SRP68: variants seen among roughly 807,000 people sequenced by gnomAD.
The protein encoded by SRP68 is signal recognition particle subunit SRP68.
A neutral mutation model predicts 82.2 loss-of-function variants in SRP68; 15 were observed. The ratio of observed to expected loss-of-function variants is 0.18; its 90% CI spans 0.12 to 0.28. The LOEUF is 0.28. SRP68 is among the 10% of genes least tolerant of loss of function. The pLI is 1.00. For synonymous variants in SRP68, 261 were observed against 292.6 expected (o/e 0.89, Z 1.10); for missense variants, 595 against 780.5 (o/e 0.76, Z 2.83).
chr17:76,040,760 C>A (rs776049449), intron 14 of SRP68, 143 bp downstream of exon 14: 1 of 790,752 alleles, frequency 1.3e-6, no homozygotes, highest in South Asian at 1.7e-5. Context: ...TGATGCCCAG[C>A]TGGCACAAGT....
chr17:76,072,149 C>T lies in SRP68; in HGVS notation c.184+159G>A, dbSNP rs1236338429. On this transcript the variant is annotated intron_variant, in intron 1 of 15. Coordinates refer to ENST00000307877, the MANE Select transcript of SRP68 (RefSeq NM_014230.4). This position sits in a 1 kb window ranked among gnomAD's most constrained non-coding sequence, Gnocchi z 4.5. ...GAGGAAAGACTAGTCGAGAGACAGA[C>T]CCCCCCCGGAATTCTGAGCACCAAA... 1.1e-5 allele frequency: 13 copies of T among 1,230,548 alleles called. No individual in the cohort carries two copies. The East Asian group carries it at 3.6e-4, about 34-fold the overall frequency. The allele number at this position is 1,230,548 out of a possible 1,614,324, so 76.2% of individuals were successfully genotyped here.
At chr17:76,060,578 A>C (rs1423068409) in intron 6 of SRP68, 188 bp from the exon 7 acceptor site, 1 of 564,222 alleles carries the variant, frequency 1.8e-6, no homozygotes, top group Non-Finnish European at 3.1e-6. Context: ...AAAATACTCC[A>C]TATGGTATAT....
chr17:76,043,264 C>T (rs966685183), intron 13 of SRP68: 3 of 151,980 alleles, frequency 2.0e-5, no homozygotes, highest in Non-Finnish European at 4.4e-5. Context: ...GACCCTGTCT[C>T]AAGAAAGACA....
Position 76,057,481 on chromosome 17 carries a change from C to T in SRP68, c.900G>A (p.Gly300=). 1 of 1,613,972 alleles carries T rather than the reference C, an allele frequency of 6.2e-7. No individual in the cohort carries two copies. ...AATMSEVEWR[G]RTVPVKIDKV... Reference sequence around the variant, plus strand: ...TGTCAATCTTCACTGGAACCGTTCTCCCTCTCCACTCCACTTCACTCATGG... The same window carrying T: ...TGTCAATCTTCACTGGAACCGTTCTTCCTCTCCACTCCACTTCACTCATGG... Residue 300 remains glycine, a synonymous_variant, in exon 8 of 16, where the codon GGG becomes GGA. Transcript: ENST00000307877.
Position 76,057,325 on chromosome 17 carries a change from C to T in SRP68, c.978+78G>A, listed in dbSNP as rs939633995. On this transcript the variant is annotated intron_variant, in intron 8 of 15. Coordinates refer to ENST00000307877, the MANE Select transcript of SRP68 (RefSeq NM_014230.4). ...TTGTTTTATGAGAACTGAATACCAA[C>T]GAGCCACTACATCTTAAACACACAG... The T allele has an allele frequency of 3.4e-5, 54 of 1,567,270 alleles. 1 individual carries two copies. The highest frequency in any genetic ancestry group is 1.7e-4 in the Middle Eastern group (1 of 5,972).
chr17:76,049,408 G>A (rs2066655329), intron 9 of SRP68: 1 of 152,240 alleles, frequency 6.6e-6, no homozygotes, highest in African/African-American at 2.4e-5. Context: ...AGAGGGGCAG[G>A]AAAGATTACC....
intron 8 of SRP68, among the ~76,000 whole-genome samples, chr17:76,051,625 C>T (rs2066673160): frequency 6.6e-6 from 1 of 152,104 alleles, no homozygotes; most frequent in South Asian, 2.1e-4. Flanking sequence ...TTTTCTTAGT[C>T]TCCAGTGTGA....
At chr17:76,050,593 G>A (rs2066665029) in intron 8 of SRP68, 67 bp from the exon 9 acceptor site, 15 of 1,126,936 alleles carry the variant, frequency 1.3e-5, no homozygotes, top group Middle Eastern at 2.0e-4. Context: ...AATGGGAGAG[G>A]AGCAAAATCG....
chr17:76,046,482 A>AC (rs2066632604), intron 10 of SRP68, among the ~76,000 whole-genome samples: 3 of 151,414 alleles, frequency 2.0e-5, no homozygotes, highest in South Asian at 4.2e-4. Context: ...AAAAAAAAAA[A>AC]AACAAAAAAC....
At chr17:76,060,981 A>G (rs1426400989) in intron 6 of SRP68, 129 bp downstream of exon 6, 2 of 697,520 alleles carry the variant, frequency 2.9e-6, no homozygotes, top group Non-Finnish European at 5.0e-6. Context: ...ATCAACCAAA[A>G]CTCAGGTCAA....
At chr17:76,069,829 C>A (rs1378224854) in intron 2 of SRP68, among the ~76,000 whole-genome samples, 2 of 148,532 alleles carry the variant, frequency 1.3e-5, no homozygotes, top group Non-Finnish European at 3.0e-5. Flanking sequence ...GTAATTCCAA[C>A]ACTTTGGGAA....
intron 14 of SRP68, 76 bp downstream of exon 14, chr17:76,040,827 T>C: frequency 7.4e-7 from 1 of 1,345,344 alleles, no homozygotes; most frequent in Non-Finnish European, 1.1e-6. Context: ...CTTAAAACAG[T>C]AGTATGGGGT....
chr17:76,048,485 T>C (rs1567928286), intron 9 of SRP68: 1 of 152,244 alleles, frequency 6.6e-6, no homozygotes, highest in Non-Finnish European at 1.5e-5. Context: ...GTGGGTCCAA[T>C]GTCATCCCAG....
chr17:76,047,900 C>T lies in SRP68; in HGVS notation c.1142+6G>A. 1 of 1,495,804 alleles carries T rather than the reference C, an allele frequency of 6.7e-7. No individual in the cohort carries two copies. The highest frequency in any genetic ancestry group is 2.4e-5 in the East Asian group (1 of 42,190). 92.7% of individuals were successfully genotyped at this position (1,495,804 alleles called of 1,614,324 possible). A position where few individuals can be genotyped will look rare whatever the true frequency, so the allele number is the denominator to read the frequency against. On this transcript the variant is annotated splice_donor_region_variant and intron_variant, in intron 10 of 15. Coordinates refer to ENST00000307877, the MANE Select transcript of SRP68 (RefSeq NM_014230.4). ...TAAAAAGTAAAAAAATTAAAATAACCCTTACCTATGCAAGTATTGAAGATT... is the reference window on the plus strand; with the variant it reads ...TAAAAAGTAAAAAAATTAAAATAACTCTTACCTATGCAAGTATTGAAGATT...
chr17:76,062,699 T>TTATATAA (rs2144520231), intron 4 of SRP68, among the ~76,000 whole-genome samples: 2 of 74,266 alleles, frequency 2.7e-5, no homozygotes, highest in African/African-American at 1.7e-4. Flanking sequence ...ACATTATATA[T>TTATATAA]TGTATATTAT....
chr17:76,062,761 AT>A (rs1567935341), intron 4 of SRP68, among the ~76,000 whole-genome samples: 66 of 79,750 alleles, frequency 8.3e-4, no homozygotes, highest in South Asian at 1.3e-3. Context: ...ATATATATAT[AT>A]ATAAAATATA....
At chr17:76,068,470 A>G (rs184808767) in intron 2 of SRP68, among the ~76,000 whole-genome samples, 2,023 of 151,104 alleles carry the variant, frequency 0.013, 25 homozygotes, top group Non-Finnish European at 0.018. Context: ...AAAAAAAAAA[A>G]AAGAAGAAGA....
Position 76,043,817 on chromosome 17 carries a change from C to T in SRP68, c.1524+12G>A. 1.3e-6 allele frequency: 2 copies of T among 1,583,368 alleles called. No homozygotes were observed. The highest frequency in any genetic ancestry group is 1.2e-5 in the South Asian group (1 of 86,142). ...GCCAGGGCTTGCAAACAAGGAGAGG[C>T]CAACCTCTCACCTTTAGGCTGTTCT... On this transcript the variant is annotated intron_variant, in intron 13 of 15. Transcript: ENST00000307877.
chr17:76,044,079 G>T, intron 12 of SRP68, 121 bp from the exon 13 acceptor site: 1 of 1,085,274 alleles, frequency 9.2e-7, no homozygotes, highest in Non-Finnish European at 1.3e-6. Context: ...TGGGATCACC[G>T]CATGGGAGCC....
Sources: allele counts gnomAD v4.1 joint callset (sites outside exome capture counted in the v4.1 genomes callset), GRCh38; gene constraint gnomAD v4.1.1; non-coding constraint Gnocchi (gnomAD v3.1); transcripts MANE v1.5; gene names NCBI Gene and HGNC (gene_info 2026-07-23, HGNC 2026-07-21).